Variants in NEDD9 observed in about 807,000 individuals in gnomAD.
The protein encoded by NEDD9 is enhancer of filamentation 1.
In NEDD9, 26 loss-of-function variants were observed where a neutral mutation model predicts 76.6. The observed-to-expected ratio is 0.34, with a 90% CI of 0.25 to 0.47. NEDD9 has a LOEUF of 0.47. NEDD9 is among the 20% of genes least tolerant of loss of function. NEDD9 has a pLI of 1.00. For synonymous variants in NEDD9, 392 were observed against 414.2 expected (o/e 0.95, Z 0.65); for missense variants, 937 against 1,058.5 (o/e 0.89, Z 1.59).
intron 1 of NEDD9, among the ~76,000 whole-genome samples, chr6:11,347,301 C>T (rs375543160): frequency 6.6e-6 from 1 of 151,990 alleles, no homozygotes; most frequent in South Asian, 2.1e-4. Context: ...CTCCTACAAA[C>T]CAAAAAAAGC....
intron 2 of NEDD9, chr6:11,200,751 A>G: frequency 7.2e-7 from 1 of 1,382,890 alleles, no homozygotes; most frequent in Non-Finnish European, 9.3e-7. Flanking sequence ...GTCCTTGATG[A>G]TCATCTGTAG....
intron 2 of NEDD9, among the ~76,000 whole-genome samples, chr6:11,315,960 G>A (rs974477727): frequency 1.3e-5 from 2 of 152,190 alleles, no homozygotes; most frequent in African/African-American, 2.4e-5. Flanking sequence ...AAAAGGCAGG[G>A]TTATAAGTCC....
chr6:11,266,213 C>G (rs185089584), intron 3 of NEDD9, among the ~76,000 whole-genome samples: 48 of 152,280 alleles, frequency 3.2e-4, no homozygotes, highest in African/African-American at 1.2e-3. Context: ...TGCCCTAAAG[C>G]AGTGGTTCTC....
chr6:11,274,246 G>C (rs1760373578), intron 3 of NEDD9, among the ~76,000 whole-genome samples: 1 of 152,160 alleles, frequency 6.6e-6, no homozygotes. Flanking sequence ...AGGGCTAAAT[G>C]ACCTGGGCTG....
chr6:11,293,045 A>G (rs1760811746), intron 3 of NEDD9, among the ~76,000 whole-genome samples: 1 of 152,240 alleles, frequency 6.6e-6, no homozygotes, highest in South Asian at 2.1e-4. Flanking sequence ...TTCCAGTCAC[A>G]TACTTGAGAA....
At chr6:11,338,018 C>T (rs1762198801) in intron 1 of NEDD9, among the ~76,000 whole-genome samples, 1 of 152,120 alleles carries the variant, frequency 6.6e-6, no homozygotes, top group African/African-American at 2.4e-5. Flanking sequence ...GGGTAAGTGT[C>T]CCTTGGTGTC....
At chr6:11,338,340 T>C (rs1324374089) in intron 1 of NEDD9, among the ~76,000 whole-genome samples, 2 of 152,184 alleles carry the variant, frequency 1.3e-5, no homozygotes, top group African/African-American at 4.8e-5. Context: ...GGTTCTCCCT[T>C]GCAGCCCTCG....
rs193279545 is a variant in NEDD9 at position 11,299,280 on chromosome 6, G to C, written c.12+6712C>G. Among the ~76,000 whole-genome samples, 1,197 of 152,324 alleles carry C rather than the reference G, an allele frequency of 7.9e-3. 6 individuals carry two copies. Among genetic ancestry groups the C allele is most frequent in the Non-Finnish European group, 0.011 (775 of 68,018 alleles). On this transcript the variant is annotated intron_variant, in intron 3 of 3. Coordinates refer to the NEDD9 transcript ENST00000397378. ...TCGACCTGCAACGCTGCAGCTTGAGGGGGGGAGGGGCATCTGCCATTGCTG... is the reference window on the plus strand; with the variant it reads ...TCGACCTGCAACGCTGCAGCTTGAGCGGGGGAGGGGCATCTGCCATTGCTG...
In NEDD9 at chr6:11,183,890, C is replaced by T. The variant is rs946404735; in HGVS notation, c.*1272G>A. The stretch of plus-strand genomic sequence containing the variant: ...TTACCCATGGGGTAGAAGTATTTCA[C>T]CTGCCCCATGAAGAACCTGATGGCT... On this transcript the variant is annotated 3_prime_UTR_variant, in exon 7 of 7. Transcript: ENST00000379446. The T allele has an allele frequency of 6.6e-6, 1 of 152,188 alleles. No individual in the cohort carries two copies. The allele number at this position is 152,188 out of a possible 1,614,324, so 9.4% of individuals were successfully genotyped here.
At chr6:11,249,211 A>G (rs1219163080) in intron 3 of NEDD9, 2 of 455,804 alleles carry the variant, frequency 4.4e-6, no homozygotes, top group South Asian at 3.1e-5. Flanking sequence ...AATCAGTTGA[A>G]GGCCTAAATA....
intron 1 of NEDD9, among the ~76,000 whole-genome samples, chr6:11,364,249 T>C (rs1762724286): frequency 2.0e-5 from 3 of 152,198 alleles, no homozygotes; most frequent in African/African-American, 7.2e-5. Context: ...AACTCGTTGC[T>C]GGAGGAGTTA....
chr6:11,329,224 G>A (rs1761986767), intron 2 of NEDD9, among the ~76,000 whole-genome samples: 2 of 152,246 alleles, frequency 1.3e-5, no homozygotes, highest in South Asian at 4.1e-4. Context: ...CCTGGGAAGA[G>A]AGACCCGGCT....
chr6:11,319,826 GCAAATACA>G (rs1435928556), intron 2 of NEDD9, among the ~76,000 whole-genome samples: 1 of 138,660 alleles, frequency 7.2e-6, no homozygotes, highest in East Asian at 2.0e-4. Flanking sequence ...GCACTAACAA[GCAAATACA>G]CTCACGCACT....
At position 11,346,906 on chromosome 6, in the gene NEDD9, G is replaced by A. The variant is rs572224735; in HGVS notation, c.-213-12345C>T. Among the ~76,000 whole-genome samples the A allele has an allele frequency of 1.1e-4, 17 of 152,260 alleles. No individual in the cohort carries two copies. The South Asian group carries it at 3.5e-3, about 32-fold the overall frequency. On this transcript the variant is annotated intron_variant, in intron 1 of 3. Coordinates refer to the NEDD9 transcript ENST00000397378. ...TAGTCAGGACTGGCCTGAAATTTGT[G>A]TTGTGAAAGGTCAGCCAGCTTCTCC... is the stretch of plus-strand genomic sequence containing the variant.
chr6:11,225,683 A>C (rs186690649), intron 1 of NEDD9, among the ~76,000 whole-genome samples: 1 of 151,940 alleles, frequency 6.6e-6, no homozygotes, highest in East Asian at 1.9e-4. Flanking sequence ...TTGTATTTTT[A>C]GTAGAGACGG....
intron 2 of NEDD9, among the ~76,000 whole-genome samples, chr6:11,332,849 G>A (rs1762072951): frequency 6.6e-6 from 1 of 152,080 alleles, no homozygotes; most frequent in South Asian, 2.1e-4. Flanking sequence ...GTGAATGATG[G>A]GGAGCTTTTC....
At chr6:11,329,045 G>A (rs112703986) in intron 2 of NEDD9, among the ~76,000 whole-genome samples, 7 of 152,346 alleles carry the variant, frequency 4.6e-5, no homozygotes, top group African/African-American at 1.4e-4. Flanking sequence ...GAATTCCATG[G>A]TGAGGCACAA....
chr6:11,358,142 G>A (rs1228732269), intron 1 of NEDD9, among the ~76,000 whole-genome samples: 2 of 151,290 alleles, frequency 1.3e-5, no homozygotes, highest in Admixed American at 6.6e-5. Flanking sequence ...CCAGCTACTC[G>A]GGAGGCTGAG....
At chr6:11,200,752 T>G (rs1235381368) in intron 2 of NEDD9, 4 of 1,380,684 alleles carry the variant, frequency 2.9e-6, no homozygotes, top group Non-Finnish European at 3.7e-6. Flanking sequence ...TCCTTGATGA[T>G]CATCTGTAGA....
Sources: gnomAD v4.1 joint callset for allele counts (sites outside exome capture counted in the v4.1 genomes callset) on GRCh38, gnomAD v4.1.1 for gene constraint, MANE v1.5 for transcripts, NCBI Gene and HGNC (gene_info 2026-07-23, HGNC 2026-07-21) for gene names.